Variants in ELMO3 observed in about 807,000 individuals in gnomAD.
The protein encoded by ELMO3 is engulfment and cell motility 3, also known as engulfment and cell motility protein 3.
Under a neutral mutation model 89.0 loss-of-function variants are expected in ELMO3, and 81 were observed. The observed-to-expected ratio is 0.91, with a 90% CI of 0.76 to 1.09. ELMO3 has a LOEUF of 1.09. Among genes scored for constraint, ELMO3 ranks in the 50% least tolerant of loss-of-function variants. The probability of loss-of-function intolerance (pLI) is 0.00; values close to 1 mark genes in which losing one functional copy is unlikely to be tolerated. For missense variants in ELMO3, 959 were observed against 972.8 expected, an observed-to-expected ratio of 0.99 and a Z score of 0.19; for synonymous variants, 406 against 400.6, an observed-to-expected ratio of 1.01 and a Z score of -0.16.
rs1203117244 is a variant in ELMO3, at chr16:67,202,168, G to GC, written c.1153-3dup. Reference sequence around the variant, plus strand: ...TGTGACTCCTTGCCCCATTCTCTGCGCCCCCAGTTTGTGTTGGAGAACAGC... The same window carrying GC: ...TGTGACTCCTTGCCCCATTCTCTGCGCCCCCCAGTTTGTGTTGGAGAACAGC... On this transcript the variant is annotated splice_polypyrimidine_tract_variant and splice_region_variant and intron_variant, in intron 12 of 19. Transcript: ENST00000393997. 2.5e-6 allele frequency: 4 copies of GC among 1,598,588 alleles called. No homozygotes were observed. In the South Asian group the frequency reaches 3.3e-5, roughly 13 times the overall value.
Position 67,202,797 on chromosome 16 carries a change from C to G in ELMO3, c.1562+7C>G, listed in dbSNP as rs766587974. 6.2e-7 allele frequency: 1 copy of G among 1,612,814 alleles called. No individual in the cohort carries two copies. The highest frequency in any genetic ancestry group is 8.5e-7 in the Non-Finnish European group (1 of 1,179,516). On this transcript the variant is annotated splice_region_variant and intron_variant, in intron 15 of 19. Coordinates refer to ENST00000393997, the MANE Select transcript of ELMO3 (RefSeq NM_024712.5). ...CACTGGCTCCCCCTATACTGTGAGT[C>G]TGGGGGGATGGATCCTCAGTCCTAG...
rs2033142871 is a variant in ELMO3, at chr16:67,202,634, A to G, written c.1406A>G (p.Gln469Arg). 2.5e-6 allele frequency: 4 copies of G among 1,613,266 alleles called. No homozygotes were observed. The African/African-American group carries it at 4.0e-5, about 16-fold the overall frequency. ...GAGCTTGGGCGGCCCCAGGTCATGC[A>G]GGTGGTGCGGGAGCAGCTGGCCCGC... is the stretch of plus-strand genomic sequence containing the variant. ...ATQEDFDKVM[Q>R]VVREQLARTL... Residue 469 changes from glutamine to arginine, a missense_variant, in exon 15 of 20, where the codon CAG (glutamine) becomes CGG (arginine). Transcript: ENST00000393997.
In ELMO3 at chr16:67,202,190, C is replaced by G. The variant is rs368446112; in HGVS notation, c.1167C>G (p.Asn389Lys). 6.2e-7 allele frequency: 1 copy of G among 1,601,414 alleles called. No individual in the cohort carries two copies. The highest frequency in any genetic ancestry group is 2.2e-5 in the East Asian group (1 of 44,634). The change falls in exon 13 of 20, where the codon AAC becomes AAG. Residue 389 changes from asparagine to lysine, a missense_variant. By Grantham distance (94) the Asn-to-Lys change is moderately conservative. Coordinates refer to ENST00000393997, the MANE Select transcript of ELMO3 (RefSeq NM_024712.5). ...TGCGCCCCCAGTTTGTGTTGGAGAA[C>G]AGCAGCCGCGAGGACAAGCACGAGT... ...PSAYSRFVLE[N>K]SSREDKHECP...
chr16:67,199,848 A>C (rs1204282367), intron 3 of ELMO3, 92 bp downstream of exon 3: 1 of 1,604,558 alleles, frequency 6.2e-7, no homozygotes, highest in Non-Finnish European at 8.5e-7. Flanking sequence ...CCACTACCGG[A>C]GCGCGATCTG....
rs1243374496 is a variant in ELMO3 at position 67,201,776 on chromosome 16, CTGCCTTCGAGGT to C, written c.954_965del (p.Ala319_Val322del). On this transcript the variant is annotated inframe_deletion, in exon 11 of 20. Transcript: ENST00000393997. ...GAGCAGCTGCAGGTCCTACGCCAGG[CTGCCTTCGAGGT>C]GGAGGGGGAGTCCTCGGGTGCCGGG... 1 of 1,611,572 alleles carries C rather than the reference CTGCCTTCGAGGT, an allele frequency of 6.2e-7. No individual in the cohort carries two copies. The highest frequency in any genetic ancestry group is 8.5e-7 in the Non-Finnish European group (1 of 1,180,014).
Position 67,200,701 on chromosome 16 carries a change from T to A in ELMO3, c.558T>A (p.Pro186=). 1 of 1,613,458 alleles carries A rather than the reference T, an allele frequency of 6.2e-7. No homozygotes were observed. Among genetic ancestry groups the A allele is most frequent in the Non-Finnish European group, 8.5e-7 (1 of 1,179,974 alleles). ...TGAACCTCATGGATGCCTCCGTGCC[T>A]CCCCTGGCCCTTGGGCTGCTGGAGA... ...VNMNLMDASV[P]PLALGLLESV... Residue 186 remains proline, a synonymous_variant, in exon 7 of 20, where the codon CCT becomes CCA. Coordinates refer to ENST00000393997, the MANE Select transcript of ELMO3 (RefSeq NM_024712.5).
intron 8 of ELMO3, 29 bp from the exon 9 acceptor site, chr16:67,201,356 C>T: frequency 6.2e-7 from 1 of 1,613,558 alleles, no homozygotes; most frequent in Middle Eastern, 1.6e-4. Flanking sequence ...CGCGCCCAGC[C>T]TAAGCCCCCT....
chr16:67,202,494 C>G lies in ELMO3; in HGVS notation c.1359C>G (p.Thr453=). ...TGGGCATCCAGCTGTTGAATAAGAC[C>G]TGGAAGGAGATGCGGGCTACACAGG... ...FCVGIQLLNK[T]WKEMRATQED... The change falls in exon 14 of 20, where the codon ACC becomes ACG. Residue 453 remains threonine, a synonymous_variant. Coordinates refer to ENST00000393997, the MANE Select transcript of ELMO3 (RefSeq NM_024712.5). 1 of 1,612,868 alleles carries G rather than the reference C, an allele frequency of 6.2e-7. No homozygotes were observed. The highest frequency in any genetic ancestry group is 1.1e-5 in the South Asian group (1 of 91,084).
intron 7 of ELMO3, 23 bp downstream of exon 7, chr16:67,200,831 C>T: frequency 6.2e-7 from 1 of 1,613,338 alleles, no homozygotes; most frequent in Non-Finnish European, 8.5e-7. Context: ...GGCTGGGGTC[C>T]AGATGCAGGG....
chr16:67,199,544 C>G lies in ELMO3; in HGVS notation c.79-9C>G. 1 of 1,605,526 alleles carries G rather than the reference C, an allele frequency of 6.2e-7. No homozygotes were observed. Among genetic ancestry groups the G allele is most frequent in the Non-Finnish European group, 8.5e-7 (1 of 1,178,944 alleles). On this transcript the variant is annotated splice_polypyrimidine_tract_variant and intron_variant, in intron 1 of 19. Transcript: ENST00000393997. ...GCCCAGGCCGCGAGAATGACCACTC[C>G]ACTTGCAGGCGAAGCCCCTGGCCGC...
rs752111861 is a variant in ELMO3, at chr16:67,203,049, C to T, written c.1675+45C>T. On this transcript the variant is annotated intron_variant, in intron 16 of 19. Coordinates refer to ENST00000393997, the MANE Select transcript of ELMO3 (RefSeq NM_024712.5). The surrounding 1 kb of genome is among the most constrained non-coding windows in gnomAD (Gnocchi z 4.6). ...CAGGGGGCAGAGGGCAGGCAGAGGGCAGGCAGAGGGCGGCTGGCTTGGTGT... is the reference window on the plus strand; with the variant it reads ...CAGGGGGCAGAGGGCAGGCAGAGGGTAGGCAGAGGGCGGCTGGCTTGGTGT... The T allele has an allele frequency of 1.9e-6, 3 of 1,599,830 alleles. No homozygotes were observed. The highest frequency in any genetic ancestry group is 2.2e-5 in the South Asian group (2 of 90,222).
At chr16:67,199,921 C>T (rs2033058759) in intron 3 of ELMO3, 30 bp from the exon 4 acceptor site, 3 of 1,613,946 alleles carry the variant, frequency 1.9e-6, no homozygotes, top group Middle Eastern at 1.6e-4. Context: ...CCCTCCCTGA[C>T]CTCGCTGCCT....
In ELMO3 at chr16:67,199,930, CT is replaced by C. The variant is rs1458438781; in HGVS notation, c.193-17del. ...TCGGAGCCCTCCCTGACCTCGCTGC[CT>C]TTTCTGCTGTCTTCTCCAGAACCGC... On this transcript the variant is annotated intron_variant, in intron 3 of 19. Coordinates refer to ENST00000393997, the MANE Select transcript of ELMO3 (RefSeq NM_024712.5). The C allele has an allele frequency of 1.9e-5, 31 of 1,613,832 alleles. No homozygotes were observed. The highest frequency in any genetic ancestry group is 2.3e-5 in the Non-Finnish European group (27 of 1,180,032).
chr16:67,201,511 G>A lies in ELMO3; in HGVS notation c.796-9G>A, dbSNP rs761460312. On this transcript the variant is annotated splice_polypyrimidine_tract_variant and intron_variant, in intron 9 of 19. Transcript: ENST00000393997. ...CCCTCGCTTACACCAGGGACTGGCT[G>A]TCCTGCAGAACATCATCCACAGTGC... 2 of 1,613,918 alleles carry A rather than the reference G, an allele frequency of 1.2e-6. No individual in the cohort carries two copies. Among genetic ancestry groups the A allele is most frequent in the African/African-American group, 1.3e-5 (1 of 74,928 alleles).
rs761918823 is a variant in ELMO3 at position 67,202,688 on chromosome 16, A to G, written c.1460A>G (p.Glu487Gly). ...CTGGCCCTGAAGCCCACTTCCCTGG[A>G]GCTCTTCCGAACCAAGGTGAATGCG... Reference protein sequence around the residue: ...RTLALKPTSLELFRTKVNALT... With the variant: ...RTLALKPTSLGLFRTKVNALT... The change falls in exon 15 of 20, where the codon GAG becomes GGG. Residue 487 changes from glutamate to glycine, a missense_variant. Coordinates refer to ENST00000393997, the MANE Select transcript of ELMO3 (RefSeq NM_024712.5). 1.2e-6 allele frequency: 2 copies of G among 1,613,484 alleles called. No individual in the cohort carries two copies. The highest frequency in any genetic ancestry group is 2.7e-5 in the African/African-American group (2 of 74,862).
At chr16:67,201,043 G>GC (rs151246709) in intron 8 of ELMO3, 75 bp downstream of exon 8, 113 of 1,380,724 alleles carry the variant, frequency 8.2e-5, no homozygotes, top group East Asian at 9.9e-5. Flanking sequence ...AATCCTCTAA[G>GC]CCCCCCTTTT....
chr16:67,201,609 G>C lies in ELMO3; in HGVS notation c.885G>C (p.Pro295=). The C allele has an allele frequency of 6.2e-7, 1 of 1,613,532 alleles. No homozygotes were observed. Among genetic ancestry groups the C allele is most frequent in the Non-Finnish European group, 8.5e-7 (1 of 1,180,034 alleles). Reference sequence around the variant, plus strand: ...CTCTCATGCTGGGGCTGCTGGAGCCGCGCATGCGGACGCCCCTGGACCCCT... The same window carrying C: ...CTCTCATGCTGGGGCTGCTGGAGCCCCGCATGCGGACGCCCCTGGACCCCT... The part of the protein sequence containing the change: ...LQALMLGLLE[P]RMRTPLDPYS... Residue 295 remains proline, a synonymous_variant, in exon 10 of 20, where the codon CCG becomes CCC. Transcript: ENST00000393997.
rs201664710 is a variant in ELMO3, at chr16:67,201,388, A to T, written c.748A>T (p.Met250Leu). 14 of 1,613,650 alleles carry T rather than the reference A, an allele frequency of 8.7e-6. No individual in the cohort carries two copies. The Middle Eastern group carries it at 6.6e-4, about 76-fold the overall frequency. ...CCCTTTCTTTCTACCCCCTCAGCAC[A>T]TGCTTGACTATCTTTGGCAGAGGAA... The part of the protein sequence containing the change: ...QGASPVERKH[M>L]LDYLWQRNLR... Residue 250 changes from methionine (M) to leucine (L), a missense_variant, in exon 9 of 20, where the codon ATG becomes TTG. By Grantham distance (15) the Met-to-Leu change is conservative (BLOSUM62 2). Transcript: ENST00000393997.
intron 4 of ELMO3, 49 bp downstream of exon 4, chr16:67,200,050 G>T: frequency 6.2e-7 from 1 of 1,602,892 alleles, no homozygotes; most frequent in South Asian, 1.1e-5. Flanking sequence ...CTTTGCTCCA[G>T]GTCCAGAGGC....
Sources: gnomAD v4.1 joint callset for allele counts on GRCh38, gnomAD v4.1.1 for gene constraint, Gnocchi (gnomAD v3.1) non-coding constraint, MANE v1.5 for transcripts, NCBI Gene and HGNC (gene_info 2026-07-23, HGNC 2026-07-21) for gene names.